Variants in ANK3 observed in about 807,000 individuals in gnomAD.
ANK3 encodes ankyrin 3.
ANK3 carries 57 observed loss-of-function variants against 370.9 expected under a neutral mutation model. That is an observed-to-expected ratio of 0.15 (90% CI 0.12 to 0.19). The LOEUF (loss-of-function observed/expected upper bound fraction) is 0.19, where lower values mean the gene tolerates loss of function less well. Among genes scored for constraint, ANK3 ranks in the 10% least tolerant of loss-of-function variants. ANK3 has a pLI of 1.00. For missense variants in ANK3, 4,439 were observed against 5,302.1 expected (o/e 0.84, Z 5.06); for synonymous variants, 1,929 against 1,946.3 (o/e 0.99, Z 0.23).
intron 1 of ANK3, among the ~76,000 whole-genome samples, chr10:60,346,003 T>TG (rs1566741482): frequency 6.6e-6 from 1 of 151,912 alleles, no homozygotes; most frequent in African/African-American, 2.4e-5. Flanking sequence ...TTGAAATCAG[T>TG]GGGGGAAAAG....
At chr10:60,178,651 A>G (rs997153415) in intron 18 of ANK3, among the ~76,000 whole-genome samples, 7 of 152,228 alleles carry the variant, frequency 4.6e-5, no homozygotes, top group Non-Finnish European at 8.8e-5. Flanking sequence ...AAATCTACAC[A>G]TAAATGTGAA....
intron 2 of ANK3, among the ~76,000 whole-genome samples, chr10:60,507,338 T>G (rs1197095067): frequency 6.6e-6 from 1 of 152,014 alleles, no homozygotes; most frequent in African/African-American, 2.4e-5. Flanking sequence ...ACATATTCAC[T>G]TAGAAAAAAA....
chr10:60,676,773 T>G lies in ANK3; in HGVS notation c.57+56490A>C, dbSNP rs567785721. 2.3e-3 allele frequency among the ~76,000 whole-genome samples: 354 copies of G among 152,162 alleles called. 1 individual carries two copies. Among genetic ancestry groups the G allele is most frequent in the Middle Eastern group, 0.01 (3 of 294 alleles). On this transcript the variant is annotated intron_variant, in intron 1 of 43. Transcript: ENST00000373827. ...ATGGGGTAAGGAGAATGAAGAGAGG[T>G]TGGTTAATAGTTTCAAATATACGGT... is the stretch of plus-strand genomic sequence containing the variant.
chr10:60,092,230 A>G (rs1338848006), intron 28 of ANK3, among the ~76,000 whole-genome samples: 1 of 151,952 alleles, frequency 6.6e-6, no homozygotes, highest in Non-Finnish European at 1.5e-5. Flanking sequence ...ACTTTGGGGG[A>G]TGGGGGGTTG....
chr10:60,472,583 G>A (rs2065245090), intron 2 of ANK3, among the ~76,000 whole-genome samples: 1 of 152,164 alleles, frequency 6.6e-6, no homozygotes, highest in African/African-American at 2.4e-5. Flanking sequence ...ATTTCAGAGA[G>A]TGAGATATAG....
chr10:60,153,559 G>A (rs1223899582), intron 23 of ANK3, among the ~76,000 whole-genome samples: 2 of 152,166 alleles, frequency 1.3e-5, no homozygotes, highest in African/African-American at 4.8e-5. Flanking sequence ...CTATTTTCAA[G>A]GGGTATGTTT....
intron 26 of ANK3, among the ~76,000 whole-genome samples, chr10:60,112,401 A>G (rs1360839090): frequency 2.0e-5 from 3 of 152,166 alleles, no homozygotes; most frequent in Non-Finnish European, 4.4e-5. Context: ...TGCATTGAAT[A>G]TAAATTATAT....
At chr10:60,551,916 A>G (rs899380410) in intron 2 of ANK3, among the ~76,000 whole-genome samples, 10 of 152,196 alleles carry the variant, frequency 6.6e-5, no homozygotes, top group Admixed American at 1.3e-4. Context: ...CTGTGCCATC[A>G]ATATGGGAGA....
intron 43 of ANK3, among the ~76,000 whole-genome samples, chr10:60,032,815 C>T (rs10994158): frequency 0.47 from 70,952 of 151,980 alleles, 19,048 homozygotes; most frequent in Non-Finnish European, 0.63. Flanking sequence ...AGCCTGTTGG[C>T]CCCAACCACA....
At chr10:60,050,212 A>G (rs1348051815) in intron 42 of ANK3, among the ~76,000 whole-genome samples, 1 of 152,230 alleles carries the variant, frequency 6.6e-6, no homozygotes, top group East Asian at 1.9e-4. Context: ...CAAATGTGCT[A>G]GACAGCAATA....
At chr10:60,403,830 A>C (rs984274740) in intron 2 of ANK3, among the ~76,000 whole-genome samples, 1 of 152,228 alleles carries the variant, frequency 6.6e-6, no homozygotes, top group African/African-American at 2.4e-5. Context: ...AAATGACATG[A>C]TGGTTAACAC....
Position 60,072,140 on chromosome 10 carries a change from G to A in ANK3, c.8741C>T (p.Ser2914Leu), listed in dbSNP as rs1475300316. Reference protein sequence around the residue: ...ERKLLTNGSLSEIKEMTVKSP... With the variant: ...ERKLLTNGSLLEIKEMTVKSP... Reference sequence around the variant, plus strand: ...TTTTACAGTCATTTCTTTAATTTCTGAGAGAGAGCCGTTTGTTAACAATTT... The same window carrying A: ...TTTTACAGTCATTTCTTTAATTTCTAAGAGAGAGCCGTTTGTTAACAATTT... Residue 2914 changes from serine (S) to leucine (L), a missense_variant, in exon 37 of 44, where the codon TCA becomes TTA. Transcript: ENST00000280772. 6.2e-7 allele frequency: 1 copy of A among 1,613,784 alleles called. No homozygotes were observed. Among genetic ancestry groups the A allele is most frequent in the East Asian group, 2.2e-5 (1 of 44,874 alleles).
Position 60,069,560 on chromosome 10 carries a change from C to A in ANK3, c.11321G>T (p.Arg3774Met). 6.2e-7 allele frequency: 1 copy of A among 1,613,506 alleles called. No homozygotes were observed. The highest frequency in any genetic ancestry group is 8.5e-7 in the Non-Finnish European group (1 of 1,179,896). ...SNTANSQMGV[R>M]PHEKHDFQKD... ...TTGAAAATCATGTTTTTCATGGGGC[C>A]TAACGCCCATCTGGCTATTGGCTGT... is the stretch of plus-strand genomic sequence containing the variant. The change falls in exon 37 of 44, where the codon AGG (arginine) becomes ATG (methionine). Residue 3774 changes from arginine (R) to methionine (M), a missense_variant. By Grantham distance (91) the Arg-to-Met change is moderately conservative. This residue lies in a region of ANK3 where 496 missense variants were observed against 529.3 expected (regional missense o/e 0.94). Transcript: ENST00000280772.
At chr10:60,521,899 A>C (rs1318889908) in intron 2 of ANK3, among the ~76,000 whole-genome samples, 1 of 152,092 alleles carries the variant, frequency 6.6e-6, no homozygotes, top group African/African-American at 2.4e-5. Context: ...AATATCAACA[A>C]TGCTTCTACT....
chr10:60,652,693 T>TAAAAAAA (rs35856343), intron 1 of ANK3, among the ~76,000 whole-genome samples: 2 of 135,630 alleles, frequency 1.5e-5, no homozygotes, highest in African/African-American at 2.8e-5. Context: ...AGGCAAAATG[T>TAAAAAAA]AAAAAAAAAA....
At chr10:60,059,459 T>A in intron 40 of ANK3, 29 bp from the exon 41 acceptor site, 1 of 1,566,936 alleles carries the variant, frequency 6.4e-7, no homozygotes, top group Non-Finnish European at 8.8e-7. Flanking sequence ...CCAGTTCTGC[T>A]TGCTGAACAC....
At chr10:60,467,659 A>G (rs1311495891) in intron 2 of ANK3, among the ~76,000 whole-genome samples, 11 of 152,210 alleles carry the variant, frequency 7.2e-5, no homozygotes, top group Non-Finnish European at 1.6e-4. Context: ...ATTAAAGAGC[A>G]AAAATTATTC....
chr10:60,684,563 C>T (rs1032742705), intron 1 of ANK3: 7 of 1,586,108 alleles, frequency 4.4e-6, no homozygotes, highest in East Asian at 4.5e-5. Context: ...TCATTTCAAT[C>T]CTTCCACATT....
chr10:60,698,897 T>TATAATAATAATA lies in ANK3; in HGVS notation c.57+34354_57+34365dup, dbSNP rs200309538. Among the ~76,000 whole-genome samples the TATAATAATAATA allele has an allele frequency of 9.9e-4, 145 of 145,896 alleles. No homozygotes were observed. The Middle Eastern group carries it at 0.011, about 11-fold the overall frequency. On this transcript the variant is annotated intron_variant, in intron 1 of 43. Coordinates refer to the ANK3 transcript ENST00000373827. Reference sequence around the variant, plus strand: ...TGCACATGTACCCTAAAACTTAAAGTATAATAATAATAATAATAATAATAA... The same window carrying TATAATAATAATA: ...TGCACATGTACCCTAAAACTTAAAGTATAATAATAATAATAATAATAATAATAATAATAATAA...
Sources: gnomAD v4.1 joint callset for allele counts (sites outside exome capture counted in the v4.1 genomes callset) on GRCh38, gnomAD v4.1.1 for gene constraint, gnomAD v4.1.1 regional missense constraint, MANE v1.5 for transcripts, NCBI Gene and HGNC (gene_info 2026-07-23, HGNC 2026-07-21) for gene names.